The following MCTP2 variants were observed in gnomAD, a reference collection of about 807,000 sequenced individuals.
The protein encoded by MCTP2 is multiple C2 and transmembrane domain containing 2.
In MCTP2, 132 loss-of-function variants were observed where a neutral mutation model predicts 111.6. The ratio of observed to expected loss-of-function variants is 1.18; its 90% CI spans 1.03 to 1.37. The LOEUF is 1.37. MCTP2 is among the 40% of genes most tolerant of loss of function. The probability of loss-of-function intolerance (pLI) is 0.00; values close to 1 mark genes in which losing one functional copy is unlikely to be tolerated. For missense variants in MCTP2, 1,183 were observed against 1,067.9 expected (o/e 1.11, Z -1.50); for synonymous variants, 395 against 387.7 (o/e 1.02, Z -0.22).
In MCTP2 at chr15:94,323,711, G is replaced by A. The variant is rs977857710; in HGVS notation, c.637+8074G>A. 3.3e-5 allele frequency among the ~76,000 whole-genome samples: 5 copies of A among 152,252 alleles called. No individual in the cohort carries two copies. The South Asian group carries it at 8.3e-4, about 25-fold the overall frequency. ...GAGTCTTACTCTGATGCTGTCAATGGTCCAGGCATGGCATTGAGCTCACCT... is the reference window on the plus strand; with the variant it reads ...GAGTCTTACTCTGATGCTGTCAATGATCCAGGCATGGCATTGAGCTCACCT... On this transcript the variant is annotated intron_variant, in intron 4 of 22. Coordinates refer to ENST00000357742, the MANE Select transcript of MCTP2 (RefSeq NM_001385001.1).
Position 94,331,836 on chromosome 15 carries a change from G to A in MCTP2, c.638-7454G>A, listed in dbSNP as rs575822798. On this transcript the variant is annotated intron_variant, in intron 4 of 22. Transcript: ENST00000357742. ...GAAGTCAATTGTATTTGGGAGAGAA[G>A]TTCAGGAATAGTTCAATCAGAGTGT... 2.0e-5 allele frequency among the ~76,000 whole-genome samples: 3 copies of A among 152,264 alleles called. No individual in the cohort carries two copies. In the South Asian group the frequency reaches 6.2e-4, roughly 32 times the overall value.
intron 12 of MCTP2, among the ~76,000 whole-genome samples, chr15:94,383,593 C>CA (rs1447200008): frequency 6.6e-6 from 1 of 152,128 alleles, no homozygotes; most frequent in Non-Finnish European, 1.5e-5. Flanking sequence ...CGGCATCAGG[C>CA]AAAAGAGAAT....
intron 17 of MCTP2, among the ~76,000 whole-genome samples, chr15:94,420,244 G>A (rs190798239): frequency 1.2e-4 from 18 of 152,132 alleles, no homozygotes; most frequent in African/African-American, 3.9e-4. Flanking sequence ...ACTGCTCATC[G>A]AACATGTACC....
At chr15:94,333,266 C>T (rs1173379601) in intron 4 of MCTP2, among the ~76,000 whole-genome samples, 2 of 152,140 alleles carry the variant, frequency 1.3e-5, no homozygotes, top group African/African-American at 4.8e-5. Flanking sequence ...ATTCTGATGT[C>T]TTATTAATTG....
intron 14 of MCTP2, among the ~76,000 whole-genome samples, chr15:94,388,450 C>T (rs1020849766): frequency 4.6e-5 from 7 of 152,206 alleles, no homozygotes; most frequent in African/African-American, 1.7e-4. Flanking sequence ...AACATTCCCT[C>T]TCCAAATGAA....
chr15:94,339,082 A>G (rs1410899697), intron 4 of MCTP2, among the ~76,000 whole-genome samples: 1 of 152,182 alleles, frequency 6.6e-6, no homozygotes, highest in Non-Finnish European at 1.5e-5. Context: ...TTACTCAAAG[A>G]GCCCATTTAT....
chr15:94,479,206 C>T lies in MCTP2; in HGVS notation c.*172C>T. The T allele has an allele frequency of 1.5e-6, 1 of 655,336 alleles. No homozygotes were observed. The highest frequency in any genetic ancestry group is 2.7e-5 in the East Asian group (1 of 36,500). The allele number at this position is 655,336 out of a possible 1,614,324, so 40.6% of individuals were successfully genotyped here. On this transcript the variant is annotated 3_prime_UTR_variant, in exon 23 of 23. Coordinates refer to ENST00000357742, the MANE Select transcript of MCTP2 (RefSeq NM_001385001.1). The stretch of plus-strand genomic sequence containing the variant: ...ACAGACATACACACATGTGCACACA[C>T]CCTCATGCATGGGTGTCCTAGTTGC...
At chr15:94,459,630 C>G (rs936462860) in intron 20 of MCTP2, among the ~76,000 whole-genome samples, 1 of 152,078 alleles carries the variant, frequency 6.6e-6, no homozygotes, top group Non-Finnish European at 1.5e-5. Flanking sequence ...GCAAAAGATT[C>G]CTGAATTTAC....
At chr15:94,242,183 A>T (rs10152214) in intron 1 of MCTP2, among the ~76,000 whole-genome samples, 63,587 of 151,892 alleles carry the variant, frequency 0.42, 13,692 homozygotes, top group African/African-American at 0.48. Flanking sequence ...CTGGGGAAAG[A>T]CTGGGTTTTG....
chr15:94,386,220 A>G (rs1430604373), intron 14 of MCTP2, among the ~76,000 whole-genome samples: 2 of 152,182 alleles, frequency 1.3e-5, no homozygotes, highest in Non-Finnish European at 2.9e-5. Flanking sequence ...AGACAGTGAT[A>G]TATGTACCAA....
At position 94,402,008 on chromosome 15, in the gene MCTP2, A is replaced by G. The variant is rs2081618687; in HGVS notation, c.2074A>G (p.Ile692Val). 1 of 1,611,430 alleles carries G rather than the reference A, an allele frequency of 6.2e-7. No individual in the cohort carries two copies. Among genetic ancestry groups the G allele is most frequent in the Non-Finnish European group, 8.5e-7 (1 of 1,179,218 alleles). Residue 692 changes from isoleucine (I) to valine (V), a missense_variant, in exon 17 of 23, where the codon ATA (isoleucine) becomes GTA (valine). Coordinates refer to ENST00000357742, the MANE Select transcript of MCTP2 (RefSeq NM_001385001.1). Reference sequence around the variant, plus strand: ...GTGGGAATCCACATTAAGAAGTACAATAGCATTCGCGGTAAGCTTCCTTTC... The same window carrying G: ...GTGGGAATCCACATTAAGAAGTACAGTAGCATTCGCGGTAAGCTTCCTTTC... ...FQWESTLRSTIAFAVFLITVW... is the reference protein window; with the variant it reads ...FQWESTLRSTVAFAVFLITVW...
At chr15:94,478,174 C>T (rs1039452382) in intron 22 of MCTP2, among the ~76,000 whole-genome samples, 4 of 152,222 alleles carry the variant, frequency 2.6e-5, no homozygotes, top group East Asian at 1.9e-4. Context: ...TCACTTGGGT[C>T]GCAGTGTGAG....
chr15:94,455,425 TAGAC>T (rs1014907399), intron 19 of MCTP2, among the ~76,000 whole-genome samples: 9 of 151,974 alleles, frequency 5.9e-5, no homozygotes, highest in Non-Finnish European at 1.2e-4. Flanking sequence ...TAAGTGCTCA[TAGAC>T]AGTGTTCTTT....
At chr15:94,298,035 A>G (rs1567350222) in intron 1 of MCTP2, among the ~76,000 whole-genome samples, 166 bp from the exon 2 acceptor site, 1 of 151,936 alleles carries the variant, frequency 6.6e-6, no homozygotes, top group Non-Finnish European at 1.5e-5. Flanking sequence ...GCTTTCCCCA[A>G]TATTTATACA....
Position 94,385,529 on chromosome 15 carries a change from A to T in MCTP2, c.1788+4A>T, listed in dbSNP as rs1450048196. 2.5e-6 allele frequency: 4 copies of T among 1,587,522 alleles called. No individual in the cohort carries two copies. The highest frequency in any genetic ancestry group is 8.6e-7 in the Non-Finnish European group (1 of 1,156,386). ...AGTTGCCATTCCCTTGCTGTCCGTA[A>T]GTTTCCTTTATTAATAAACAATTTG... is the stretch of plus-strand genomic sequence containing the variant. On this transcript the variant is annotated splice_donor_region_variant and intron_variant, in intron 14 of 22. Transcript: ENST00000357742.
chr15:94,461,946 G>A (rs192479646), intron 20 of MCTP2, among the ~76,000 whole-genome samples: 2 of 152,270 alleles, frequency 1.3e-5, no homozygotes, highest in East Asian at 1.9e-4. Flanking sequence ...ACAAAGGAGG[G>A]GGCCAGGTGT....
At chr15:94,382,802 G>T (rs2080222652) in intron 12 of MCTP2, among the ~76,000 whole-genome samples, 1 of 152,264 alleles carries the variant, frequency 6.6e-6, no homozygotes, top group African/African-American at 2.4e-5. Context: ...GCGCTGCTTT[G>T]TAAAGTGCCA....
chr15:94,312,909 C>G (rs1399067432), intron 2 of MCTP2, among the ~76,000 whole-genome samples: 1 of 152,014 alleles, frequency 6.6e-6, no homozygotes, highest in African/African-American at 2.4e-5. Flanking sequence ...CTGGACAGAG[C>G]GAATGTGTGT....
intron 10 of MCTP2, among the ~76,000 whole-genome samples, chr15:94,365,303 T>G (rs1433512257): frequency 6.6e-6 from 1 of 152,232 alleles, no homozygotes; most frequent in Non-Finnish European, 1.5e-5. Context: ...AACCTGTTGC[T>G]CAAAGGACTC....
Sources: allele counts gnomAD v4.1 joint callset (sites outside exome capture counted in the v4.1 genomes callset), GRCh38; gene constraint gnomAD v4.1.1; transcripts MANE v1.5; gene names NCBI Gene and HGNC (gene_info 2026-07-23, HGNC 2026-07-21).